The following MARCHF1 variants were observed in gnomAD, a reference collection of about 807,000 sequenced individuals.
MARCHF1 encodes membrane associated ring-CH-type finger 1.
In MARCHF1, 40 loss-of-function variants were observed where a neutral mutation model predicts 54.2. The observed-to-expected ratio is 0.74, with a 90% CI of 0.57 to 0.96. The LOEUF is 0.96. Ranked by LOEUF, MARCHF1 falls within the 40% of genes least tolerant of loss-of-function variation. MARCHF1 has a pLI of 0.00. For missense variants in MARCHF1, 586 were observed against 656.5 expected (o/e 0.89, Z 1.17); for synonymous variants, 236 against 236.3 (o/e 1.00, Z 0.01).
chr4:164,279,974 T>A (rs1733986058), intron 1 of MARCHF1, among the ~76,000 whole-genome samples: 1 of 151,864 alleles, frequency 6.6e-6, no homozygotes, highest in Admixed American at 6.6e-5. Flanking sequence ...TTTAAAAACT[T>A]CATTTTTAGA....
chr4:163,674,760 A>G (rs1381060685), intron 5 of MARCHF1, among the ~76,000 whole-genome samples: 1 of 152,216 alleles, frequency 6.6e-6, no homozygotes, highest in African/African-American at 2.4e-5. Context: ...AATAAGTATA[A>G]TATGTATATT....
At chr4:164,259,559 AAAAAAAGAAAAAAG>A (rs1310264929) in intron 1 of MARCHF1, among the ~76,000 whole-genome samples, 6 of 119,618 alleles carry the variant, frequency 5.0e-5, no homozygotes, top group African/African-American at 2.5e-4. Context: ...AAAAAAAAAA[AAAAAAAGAAAAAAG>A]AAAAAGAAAA....
intron 1 of MARCHF1, among the ~76,000 whole-genome samples, chr4:164,363,766 C>CGTGTGTGTGTGTGTGTGTGTGTGT (rs113007142): frequency 1.9e-4 from 28 of 150,204 alleles, no homozygotes; most frequent in East Asian, 7.9e-4. Flanking sequence ...ATTAATAAGC[C>CGTGTGTGTGTGTGTGTGTGTGTGT]GTGTGTGTGT....
At chr4:163,619,627 C>T (rs1741616594) in intron 5 of MARCHF1, among the ~76,000 whole-genome samples, 1 of 151,722 alleles carries the variant, frequency 6.6e-6, no homozygotes, top group Non-Finnish European at 1.5e-5. Flanking sequence ...CTTTCTGTTT[C>T]TCGGTACAGA....
intron 1 of MARCHF1, among the ~76,000 whole-genome samples, chr4:164,357,108 T>G (rs1226244813): frequency 2.7e-5 from 3 of 110,808 alleles, no homozygotes; most frequent in Non-Finnish European, 5.9e-5. Flanking sequence ...TGAACTTAAG[T>G]TTTTTTTTAA....
intron 1 of MARCHF1, among the ~76,000 whole-genome samples, chr4:164,274,256 A>G (rs1378491945): frequency 6.6e-6 from 1 of 152,242 alleles, no homozygotes; most frequent in Non-Finnish European, 1.5e-5. Context: ...ACGTACATTC[A>G]GCTTAACTAT....
intron 1 of MARCHF1, among the ~76,000 whole-genome samples, chr4:164,183,831 G>A (rs184506373): frequency 6.6e-6 from 1 of 152,248 alleles, no homozygotes; most frequent in Admixed American, 6.5e-5. Flanking sequence ...GCATATAACA[G>A]GGACATTTAA....
At chr4:164,310,951 A>C (rs896305859) in intron 1 of MARCHF1, among the ~76,000 whole-genome samples, 23 of 152,194 alleles carry the variant, frequency 1.5e-4, no homozygotes, top group African/African-American at 5.5e-4. Flanking sequence ...ACCTACTTCT[A>C]AGATTGTGTG....
chr4:163,583,652 G>GTTTTTTTTTTTT lies in MARCHF1; in HGVS notation c.1191+2085_1191+2096dup, dbSNP rs11350711. 7.3e-4 allele frequency: 90 copies of GTTTTTTTTTTTT among 123,774 alleles called. 7 individuals are homozygous for GTTTTTTTTTTTT. The highest frequency in any genetic ancestry group is 2.4e-3 in the African/African-American group (77 of 31,918). 7.7% of individuals were successfully genotyped at this position (123,774 alleles called of 1,614,324 possible). ...TATCATGAATTTTTGTTTTTTGTGT[G>GTTTTTTTTTTTT]TTTTTTTTTTTTTTGGAGACAAAGT... On this transcript the variant is annotated intron_variant, in intron 8 of 9. Coordinates refer to ENST00000514618, the MANE Select transcript of MARCHF1 (RefSeq NM_001394959.1).
chr4:163,960,411 T>A (rs7671518), intron 3 of MARCHF1, among the ~76,000 whole-genome samples: 8,967 of 151,984 alleles, frequency 0.059, 522 homozygotes, highest in East Asian at 0.18. Flanking sequence ...AACCTAAATG[T>A]CCATCAATGA....
chr4:163,994,760 C>CACACAA (rs1553968527), intron 2 of MARCHF1, among the ~76,000 whole-genome samples: 36 of 123,490 alleles, frequency 2.9e-4, no homozygotes, highest in African/African-American at 7.0e-4. Context: ...CACACACACA[C>CACACAA]ACACACACAC....
intron 2 of MARCHF1, among the ~76,000 whole-genome samples, chr4:163,997,971 G>C (rs950956857): frequency 3.4e-5 from 5 of 148,944 alleles, no homozygotes; most frequent in African/African-American, 9.9e-5. Flanking sequence ...GATTCTACAT[G>C]CAAAATGTCT....
At chr4:163,539,108 A>G (rs1029522047) in intron 9 of MARCHF1, among the ~76,000 whole-genome samples, 5 of 151,658 alleles carry the variant, frequency 3.3e-5, no homozygotes, top group Non-Finnish European at 5.9e-5. Context: ...GCAACCTTTG[A>G]CTCCTGGGTT....
chr4:163,737,212 T>A (rs1488229842), intron 4 of MARCHF1, among the ~76,000 whole-genome samples: 2 of 34,132 alleles, frequency 5.9e-5, no homozygotes, highest in African/African-American at 1.4e-4. Flanking sequence ...TTATTTTTTT[T>A]AATTTTTTTT....
At chr4:163,655,572 A>G (rs959236968) in intron 5 of MARCHF1, among the ~76,000 whole-genome samples, 17 of 151,974 alleles carry the variant, frequency 1.1e-4, no homozygotes, top group African/African-American at 3.6e-4. Flanking sequence ...AGGTATCTAC[A>G]GGACTCTCTA....
chr4:164,077,029 C>G (rs1754996044), intron 2 of MARCHF1, among the ~76,000 whole-genome samples: 1 of 152,130 alleles, frequency 6.6e-6, no homozygotes, highest in African/African-American at 2.4e-5. Flanking sequence ...GAAAAAACTA[C>G]TTTAAATTTC....
intron 1 of MARCHF1, among the ~76,000 whole-genome samples, chr4:164,132,370 C>G (rs890049916): frequency 6.6e-6 from 1 of 152,014 alleles, no homozygotes; most frequent in African/African-American, 2.4e-5. Flanking sequence ...ATCATTTAAC[C>G]TTTCCTCTGT....
At chr4:163,858,513 T>G (rs1382076790) in intron 3 of MARCHF1, among the ~76,000 whole-genome samples, 1 of 152,194 alleles carries the variant, frequency 6.6e-6, no homozygotes, top group Non-Finnish European at 1.5e-5. Flanking sequence ...GAGAATGGTC[T>G]TGTCTAAGAA....
chr4:164,358,694 G>T (rs1408596119), intron 1 of MARCHF1, among the ~76,000 whole-genome samples: 2 of 152,080 alleles, frequency 1.3e-5, no homozygotes, highest in Non-Finnish European at 2.9e-5. Flanking sequence ...ATAAAATCAT[G>T]AGGTTGTAAT....
Sources: gnomAD v4.1 joint callset for allele counts (sites outside exome capture counted in the v4.1 genomes callset) on GRCh38, gnomAD v4.1.1 for gene constraint, MANE v1.5 for transcripts, NCBI Gene and HGNC (gene_info 2026-07-23, HGNC 2026-07-21) for gene names.